PLEKHA5: variants seen among roughly 807,000 people sequenced by gnomAD.
PLEKHA5 encodes pleckstrin homology domain-containing family A member 5.
Under a neutral mutation model 181.9 loss-of-function variants are expected in PLEKHA5, and 55 were observed. That is an observed-to-expected ratio of 0.30 (90% CI 0.24 to 0.38). PLEKHA5 has a LOEUF of 0.38. Ranked by LOEUF, PLEKHA5 falls within the 10% of genes least tolerant of loss-of-function variation. The probability of loss-of-function intolerance (pLI) is 1.00; values close to 1 mark genes in which losing one functional copy is unlikely to be tolerated. For synonymous variants in PLEKHA5, 535 were observed against 529.4 expected (o/e 1.01, Z -0.15); for missense variants, 1,432 against 1,549.5 (o/e 0.92, Z 1.27).
At chr12:19,279,289 T>C (rs1038278981) in intron 11 of PLEKHA5, among the ~76,000 whole-genome samples, 2 of 152,112 alleles carry the variant, frequency 1.3e-5, no homozygotes, top group African/African-American at 4.8e-5. Flanking sequence ...ATCACTGGCA[T>C]AGTTAAAAGA....
chr12:19,237,388 C>T (rs532373368), intron 3 of PLEKHA5, among the ~76,000 whole-genome samples: 207 of 152,102 alleles, frequency 1.4e-3, no homozygotes, highest in African/African-American at 4.8e-3. Context: ...CTTATTGTTC[C>T]TTATTTTTAA....
At chr12:19,340,028 A>G (rs2093732248) in intron 21 of PLEKHA5, among the ~76,000 whole-genome samples, 1 of 150,904 alleles carries the variant, frequency 6.6e-6, no homozygotes, top group Non-Finnish European at 1.5e-5. Flanking sequence ...CACAAAGCAG[A>G]GAGAGAAAGA....
chr12:19,181,387 A>AT (rs1452619775), intron 3 of PLEKHA5, among the ~76,000 whole-genome samples: 7 of 152,366 alleles, frequency 4.6e-5, no homozygotes, highest in Non-Finnish European at 2.9e-5. Flanking sequence ...TGAAATAAAG[A>AT]TTTTGAAGTC....
chr12:19,252,953 G>C (rs1003041162), intron 3 of PLEKHA5, among the ~76,000 whole-genome samples: 1 of 151,094 alleles, frequency 6.6e-6, no homozygotes, highest in Non-Finnish European at 1.5e-5. Flanking sequence ...AACAGTGGAG[G>C]TAAGTAGACA....
At chr12:19,180,787 A>T (rs1377340322) in intron 3 of PLEKHA5, among the ~76,000 whole-genome samples, 1 of 121,878 alleles carries the variant, frequency 8.2e-6, no homozygotes. Context: ...TCTTTGAAAA[A>T]TATAGTGTTT....
chr12:19,317,243 T>C (rs2089180147), intron 16 of PLEKHA5, among the ~76,000 whole-genome samples: 1 of 152,090 alleles, frequency 6.6e-6, no homozygotes, highest in Admixed American at 6.6e-5. Context: ...GGCACACACC[T>C]ATAGTCCTAG....
At chr12:19,268,933 G>A (rs1172717399) in intron 8 of PLEKHA5, among the ~76,000 whole-genome samples, 2 of 152,144 alleles carry the variant, frequency 1.3e-5, no homozygotes, top group Non-Finnish European at 2.9e-5. Flanking sequence ...TTTTGTGTTT[G>A]GGTGTAGATA....
intron 25 of PLEKHA5, among the ~76,000 whole-genome samples, 169 bp from the exon 26 acceptor site, chr12:19,353,715 T>G (rs1193515422): frequency 1.3e-5 from 2 of 152,174 alleles, no homozygotes; most frequent in African/African-American, 4.8e-5. Flanking sequence ...TGCCTTGGCC[T>G]CCCAAAGTGC....
At chr12:19,333,056 G>T (rs1323809303) in intron 20 of PLEKHA5, among the ~76,000 whole-genome samples, 1 of 152,108 alleles carries the variant, frequency 6.6e-6, no homozygotes, top group Non-Finnish European at 1.5e-5. Context: ...CCATTCAGGC[G>T]GGCAGATCAC....
chr12:19,254,577 T>A (rs1565525084), intron 4 of PLEKHA5, among the ~76,000 whole-genome samples: 2 of 152,152 alleles, frequency 1.3e-5, no homozygotes, highest in Non-Finnish European at 2.9e-5. Context: ...TCCTAGCACT[T>A]TGGGAGGCCA....
intron 3 of PLEKHA5, among the ~76,000 whole-genome samples, chr12:19,217,242 C>T (rs2058133910): frequency 6.6e-6 from 1 of 152,194 alleles, no homozygotes; most frequent in Non-Finnish European, 1.5e-5. Context: ...AAGCATTATT[C>T]TCTATGCCAG....
intron 20 of PLEKHA5, among the ~76,000 whole-genome samples, chr12:19,335,252 CGA>C (rs2093326839): frequency 6.6e-6 from 1 of 151,582 alleles, no homozygotes; most frequent in Non-Finnish European, 1.5e-5. Flanking sequence ...AGGCTGGTCT[CGA>C]GCTCCTGGGC....
intron 25 of PLEKHA5, among the ~76,000 whole-genome samples, chr12:19,350,835 T>G (rs1232503346): frequency 6.6e-6 from 1 of 152,194 alleles, no homozygotes. Flanking sequence ...TTTTCATTGT[T>G]GGAATATTTT....
At position 19,347,449 on chromosome 12, in the gene PLEKHA5, G is replaced by A. The variant is rs187091415; in HGVS notation, c.2898+267G>A. ...TTCATAAAGTGGTAACTTTTCCCAT[G>A]ATGAAGCAGCCGTATTTTAGATATA... On this transcript the variant is annotated intron_variant, in intron 24 of 31. Coordinates refer to ENST00000429027, the MANE Select transcript of PLEKHA5 (RefSeq NM_001256470.2). Among the ~76,000 whole-genome samples, 398 of 151,828 alleles carry A rather than the reference G, an allele frequency of 2.6e-3. 2 individuals carry two copies. Among genetic ancestry groups the A allele is most frequent in the African/African-American group, 8.1e-3 (337 of 41,408 alleles).
At chr12:19,172,830 C>A (rs978970179) in intron 3 of PLEKHA5, among the ~76,000 whole-genome samples, 4 of 151,994 alleles carry the variant, frequency 2.6e-5, no homozygotes, top group African/African-American at 9.7e-5. Context: ...CACAGAATTT[C>A]ATGAACACTG....
intron 30 of PLEKHA5, among the ~76,000 whole-genome samples, chr12:19,369,057 C>T (rs566704178): frequency 9.2e-5 from 14 of 151,898 alleles, no homozygotes; most frequent in South Asian, 4.2e-4. Flanking sequence ...TTGTTTGAGA[C>T]AAAGTCTTGC....
chr12:19,181,039 T>A (rs2048435899), intron 3 of PLEKHA5, among the ~76,000 whole-genome samples: 2 of 146,852 alleles, frequency 1.4e-5, no homozygotes, highest in Non-Finnish European at 1.5e-5. Flanking sequence ...GTTGAAATTG[T>A]AAAAAAAAAA....
At chr12:19,325,176 G>T (rs1244555809) in intron 20 of PLEKHA5, among the ~76,000 whole-genome samples, 1 of 152,114 alleles carries the variant, frequency 6.6e-6, no homozygotes, top group Non-Finnish European at 1.5e-5. Context: ...AGGATTGCTT[G>T]GGCCCAGGAG....
chr12:19,219,558 AT>A (rs2058603389), intron 3 of PLEKHA5, among the ~76,000 whole-genome samples: 2 of 149,448 alleles, frequency 1.3e-5, no homozygotes, highest in African/African-American at 4.9e-5. Flanking sequence ...GGCAATCATA[AT>A]TTACAGAGAT....
Sources: gnomAD v4.1 joint callset for allele counts (sites outside exome capture counted in the v4.1 genomes callset) on GRCh38, gnomAD v4.1.1 for gene constraint, MANE v1.5 for transcripts, NCBI Gene and HGNC (gene_info 2026-07-23, HGNC 2026-07-21) for gene names.